The following NUP88 variants were observed in gnomAD, a reference collection of about 807,000 sequenced individuals.
The protein encoded by NUP88 is nucleoporin 88.
A neutral mutation model predicts 93.9 loss-of-function variants in NUP88; 57 were observed. The ratio of observed to expected loss-of-function variants is 0.61; its 90% CI spans 0.49 to 0.76. The LOEUF (loss-of-function observed/expected upper bound fraction) is 0.76. Among genes scored for constraint, NUP88 ranks in the 30% least tolerant of loss-of-function variants. The pLI, the probability that NUP88 is intolerant of heterozygous loss-of-function variation, is 0.00. For synonymous variants in NUP88, 346 were observed against 336.8 expected (o/e 1.03, Z -0.30); for missense variants, 911 against 901.0 (o/e 1.01, Z -0.14).
At position 5,386,289 on chromosome 17, in the gene NUP88, C is replaced by T. The variant is rs763043603; in HGVS notation, c.2163-20G>A. On this transcript the variant is annotated intron_variant, in intron 16 of 16. Coordinates refer to ENST00000573584, the MANE Select transcript of NUP88 (RefSeq NM_002532.6). Reference sequence around the variant, plus strand: ...TCACCCCTGTAAAATTGTAAAGTCACTCACTTTTGGAATTATAATAAACCA... The same window carrying T: ...TCACCCCTGTAAAATTGTAAAGTCATTCACTTTTGGAATTATAATAAACCA... 5.7e-6 allele frequency: 9 copies of T among 1,572,922 alleles called. No homozygotes were observed. The East Asian group carries it at 2.0e-4, about 35-fold the overall frequency.
intron 5 of NUP88, among the ~76,000 whole-genome samples, chr17:5,407,191 G>A (rs1913550010): frequency 6.6e-6 from 1 of 152,132 alleles, no homozygotes; most frequent in Non-Finnish European, 1.5e-5. Context: ...TAATCTTTAT[G>A]GTTTTGCGTA....
At chr17:5,387,269 G>T (rs1161232024) in intron 14 of NUP88, 117 bp downstream of exon 14, 5 of 1,236,738 alleles carry the variant, frequency 4.0e-6, no homozygotes, top group African/African-American at 1.5e-5. Context: ...TACTTCAGAG[G>T]AGAGGCAGGG....
chr17:5,417,825 C>T (rs752799466), intron 1 of NUP88, among the ~76,000 whole-genome samples: 7 of 146,756 alleles, frequency 4.8e-5, no homozygotes, highest in Non-Finnish European at 9.0e-5. Context: ...GGCAACAGAG[C>T]GAGATCCTGC....
intron 10 of NUP88, 168 bp downstream of exon 10, chr17:5,391,393 A>G: frequency 3.4e-6 from 2 of 596,638 alleles, no homozygotes; most frequent in Non-Finnish European, 3.0e-6. Flanking sequence ...ATGAAACCTT[A>G]TAGAGATGAT....
chr17:5,399,440 G>A lies in NUP88; in HGVS notation c.1291+112C>T, dbSNP rs948651691. On this transcript the variant is annotated intron_variant, in intron 8 of 16. Transcript: ENST00000573584. The stretch of plus-strand genomic sequence containing the variant: ...GGTTGATCTTTTCAAAGAACCTTTC[G>A]GTTTCACTGATTTTCTCTATCATTT... 2.9e-5 allele frequency: 17 copies of A among 589,328 alleles called. No individual in the cohort carries two copies. The East Asian group carries it at 2.9e-4, about 10-fold the overall frequency. The allele number at this position is 589,328 out of a possible 1,614,324, so 36.5% of individuals were successfully genotyped here. A position where few individuals can be genotyped will look rare whatever the true frequency, so the allele number is the denominator to read the frequency against.
At chr17:5,418,876 T>C (rs2151652006) in intron 1 of NUP88, among the ~76,000 whole-genome samples, 1 of 152,302 alleles carries the variant, frequency 6.6e-6, no homozygotes, top group Admixed American at 6.5e-5. Context: ...TGGGTATGGC[T>C]TTATTTTCTA....
intron 9 of NUP88, among the ~76,000 whole-genome samples, chr17:5,391,987 CAAATT>C (rs1256156153): frequency 6.6e-6 from 1 of 152,114 alleles, no homozygotes; most frequent in Non-Finnish European, 1.5e-5. Flanking sequence ...CCAGTGCTAA[CAAATT>C]AAGTGCTTAG....
chr17:5,403,382 C>A (rs1211619665), intron 7 of NUP88, among the ~76,000 whole-genome samples: 1 of 152,170 alleles, frequency 6.6e-6, no homozygotes, highest in Non-Finnish European at 1.5e-5. Flanking sequence ...GAGGCTGAGG[C>A]AGAAGAATTG....
intron 7 of NUP88, among the ~76,000 whole-genome samples, chr17:5,400,493 CAAAAAAAAAA>C (rs1187634728): frequency 2.2e-5 from 1 of 44,740 alleles, no homozygotes; most frequent in African/African-American, 7.6e-5. Context: ...AACTCCGTCT[CAAAAAAAAAA>C]AAAAAAAAAA....
In NUP88 at chr17:5,387,408, T is replaced by C; in HGVS notation, c.1894A>G (p.Lys632Glu). Residue 632 changes from lysine (K) to glutamate (E), a missense_variant, in exon 14 of 17, where the codon AAA (lysine) becomes GAA (glutamate). Physicochemically the swap from Lys to Glu is moderately conservative, Grantham distance 56. Coordinates refer to ENST00000573584, the MANE Select transcript of NUP88 (RefSeq NM_002532.6). ...GACCTGTTCATGATATCCTCTTGTT[T>C]TTCTTTAGCTTCCTCATATTTGTCA... ...LADKYEEAKEKQEDIMNRMKK... is the reference protein window; with the variant it reads ...LADKYEEAKEEQEDIMNRMKK... The C allele has an allele frequency of 6.2e-7, 1 of 1,614,164 alleles. No homozygotes were observed. The highest frequency in any genetic ancestry group is 8.5e-7 in the Non-Finnish European group (1 of 1,179,986).
intron 2 of NUP88, 63 bp downstream of exon 2, chr17:5,416,450 A>C: frequency 8.4e-7 from 1 of 1,183,502 alleles, no homozygotes; most frequent in Non-Finnish European, 1.2e-6. Context: ...CTTAAGAACC[A>C]CTAGTCTTGA....
In NUP88 at chr17:5,394,925, C is replaced by G; in HGVS notation, c.1348G>C (p.Glu450Gln). The change falls in exon 9 of 17, where the codon GAA (glutamate) becomes CAA (glutamine). Residue 450 changes from glutamate (E) to glutamine (Q), a missense_variant. Coordinates refer to ENST00000573584, the MANE Select transcript of NUP88 (RefSeq NM_002532.6). The part of the protein sequence containing the change: ...ELSTEQKCFV[E>Q]HILCTKPLPC... The stretch of plus-strand genomic sequence containing the variant: ...AATGGCTTCGTACAAAGGATGTGTT[C>G]AACAAAGCATTTCTGTTCTGTAGAG... 6.2e-7 allele frequency: 1 copy of G among 1,613,736 alleles called. No individual in the cohort carries two copies. The highest frequency in any genetic ancestry group is 1.1e-5 in the South Asian group (1 of 91,058).
intron 2 of NUP88, 92 bp downstream of exon 2, chr17:5,416,421 G>T (rs1914154349): frequency 1.2e-6 from 1 of 818,324 alleles, no homozygotes; most frequent in African/African-American, 1.8e-5. Flanking sequence ...AATGTTTTAA[G>T]AGTAGTATAC....
chr17:5,406,831 T>TGCG (rs373922840), intron 5 of NUP88, among the ~76,000 whole-genome samples: 89 of 152,306 alleles, frequency 5.8e-4, no homozygotes, highest in African/African-American at 2.0e-3. Flanking sequence ...TTTACAAATT[T>TGCG]GCGTTGGGCT....
At position 5,397,921 on chromosome 17, in the gene NUP88, G is replaced by A. The variant is rs1912879371; in HGVS notation, c.1291+1631C>T. Among the ~76,000 whole-genome samples, 3 of 151,532 alleles carry A rather than the reference G, an allele frequency of 2.0e-5. No homozygotes were observed. In the South Asian group the frequency reaches 6.2e-4, roughly 32 times the overall value. ...TAATTTATTTTTTATTTTCATTTTT[G>A]AGATGGAGTCTTGCTCTGTCACCCA... On this transcript the variant is annotated intron_variant, in intron 8 of 16. Coordinates refer to ENST00000573584, the MANE Select transcript of NUP88 (RefSeq NM_002532.6).
chr17:5,404,734 G>A (rs4790769), intron 6 of NUP88, among the ~76,000 whole-genome samples: 3,177 of 152,126 alleles, frequency 0.021, 114 homozygotes, highest in East Asian at 0.13. Flanking sequence ...AAGACAAAAC[G>A]TCTCTCTTCC....
intron 9 of NUP88, 67 bp from the exon 10 acceptor site, chr17:5,391,729 G>A (rs939796512): frequency 5.2e-6 from 7 of 1,340,986 alleles, no homozygotes; most frequent in African/African-American, 4.3e-5. Flanking sequence ...GCAAAGACAT[G>A]ACAGGTCCGC....
At chr17:5,416,157 A>ACTATATATATATAT in intron 2 of NUP88, among the ~76,000 whole-genome samples, 1 of 125,444 alleles carries the variant, frequency 8.0e-6, no homozygotes, top group Non-Finnish European at 1.7e-5. Flanking sequence ...AAAAAAAAAA[A>ACTATATATATATAT]AAAAAAAAAG....
intron 9 of NUP88, among the ~76,000 whole-genome samples, chr17:5,394,670 CTGGGGA>C (rs1166067827): frequency 6.6e-6 from 1 of 151,596 alleles, no homozygotes; most frequent in Non-Finnish European, 1.5e-5. Context: ...GGGGCTGGGG[CTGGGGA>C]AGGACCTTCC....
Sources: gnomAD v4.1 joint callset for allele counts (sites outside exome capture counted in the v4.1 genomes callset) on GRCh38, gnomAD v4.1.1 for gene constraint, MANE v1.5 for transcripts, NCBI Gene and HGNC (gene_info 2026-07-23, HGNC 2026-07-21) for gene names.